The following ZNF90 variants were observed in gnomAD, a reference collection of about 807,000 sequenced individuals.
The protein encoded by ZNF90 is zinc finger protein HTF9.
ZNF90 carries 11 observed loss-of-function variants against 12.0 expected under a neutral mutation model. That is an observed-to-expected ratio of 0.92 (90% CI 0.58 to 1.52). The LOEUF is 1.52. Ranked by LOEUF, ZNF90 falls within the 40% of genes most tolerant of loss-of-function variation. ZNF90 has a pLI of 0.00. For synonymous variants in ZNF90, 232 were observed against 240.1 expected, an observed-to-expected ratio of 0.97 and a Z score of 0.31; for missense variants, 765 against 711.5, an observed-to-expected ratio of 1.08 and a Z score of -0.86.
intron 1 of ZNF90, among the ~76,000 whole-genome samples, chr19:20,098,117 TC>T (rs1351386409): frequency 1.3e-5 from 2 of 152,228 alleles, no homozygotes; most frequent in African/African-American, 4.8e-5. Context: ...TTTGTTTTTT[TC>T]ATGTAGACTT....
At chr19:20,106,052 T>TC (rs782089197) in intron 3 of ZNF90, among the ~76,000 whole-genome samples, 17 of 143,732 alleles carry the variant, frequency 1.2e-4, no homozygotes, top group East Asian at 3.9e-4. Flanking sequence ...TTCTTTTTTT[T>TC]TTTTTTTTTT....
chr19:20,090,855 C>A (rs2088896803), intron 1 of ZNF90, among the ~76,000 whole-genome samples: 1 of 152,144 alleles, frequency 6.6e-6, no homozygotes, highest in Non-Finnish European at 1.5e-5. Flanking sequence ...ACTGTCCAAT[C>A]TTTTTTAAGT....
intron 1 of ZNF90, among the ~76,000 whole-genome samples, chr19:20,084,276 C>T (rs972176372): frequency 2.0e-5 from 3 of 151,964 alleles, no homozygotes; most frequent in African/African-American, 7.2e-5. Flanking sequence ...AGGCTGGTCT[C>T]GAACTCCTGA....
chr19:20,087,293 C>G (rs2088866754), intron 1 of ZNF90: 1 of 152,186 alleles, frequency 6.6e-6, no homozygotes, highest in Non-Finnish European at 1.5e-5. Flanking sequence ...TCAAAATAAT[C>G]TTGCTCAGAT....
chr19:20,084,423 C>A (rs1177912964), intron 1 of ZNF90, among the ~76,000 whole-genome samples: 1 of 152,126 alleles, frequency 6.6e-6, no homozygotes, highest in African/African-American at 2.4e-5. Context: ...CATGTCTTTG[C>A]TATTGTGAAT....
At position 20,119,457 on chromosome 19, in the gene ZNF90, C is replaced by T; in HGVS notation, c.*97C>T. 1.0e-6 allele frequency: 1 copy of T among 976,864 alleles called. No individual in the cohort carries two copies. The highest frequency in any genetic ancestry group is 1.5e-6 in the Non-Finnish European group (1 of 669,204). The allele number at this position is 976,864 out of a possible 1,614,324, so 60.5% of individuals were successfully genotyped here. A position where few individuals can be genotyped will look rare whatever the true frequency, so the allele number is the denominator to read the frequency against. On this transcript the variant is annotated 3_prime_UTR_variant, in exon 4 of 4. Transcript: ENST00000418063. Reference sequence around the variant, plus strand: ...TGGAAAGCCTTTGACCACCCCTCTACTCTTACTAAATATGAGAATTTATAT... The same window carrying T: ...TGGAAAGCCTTTGACCACCCCTCTATTCTTACTAAATATGAGAATTTATAT...
intron 1 of ZNF90, 101 bp downstream of exon 1, chr19:20,078,236 C>A: frequency 6.8e-7 from 1 of 1,475,132 alleles, no homozygotes; most frequent in Non-Finnish European, 9.4e-7. Flanking sequence ...GTCAGCTCCA[C>A]AATCTGCGAC....
At chr19:20,080,402 G>T in intron 1 of ZNF90, 1 of 406,178 alleles carries the variant, frequency 2.5e-6, no homozygotes, top group Non-Finnish European at 4.8e-6. Flanking sequence ...CCCACAAACG[G>T]ACTGTGTGGA....
In ZNF90 at chr19:20,105,283, G is replaced by C; in HGVS notation, c.193G>C (p.Val65Leu). ...GGAGCAAGGAAAAAAACCCTTCACT[G>C]TGAAGAGACATGAGATGATTGCCAA... ...CLEQGKKPFT[V>L]KRHEMIAKSP... Residue 65 changes from valine to leucine, a missense_variant, in exon 3 of 4, where the codon GTG becomes CTG. Coordinates refer to ENST00000418063, the MANE Select transcript of ZNF90 (RefSeq NM_007138.2). 6.2e-7 allele frequency: 1 copy of C among 1,607,782 alleles called. No individual in the cohort carries two copies. Among genetic ancestry groups the C allele is most frequent in the Non-Finnish European group, 8.5e-7 (1 of 1,176,504 alleles).
At chr19:20,078,508 C>T (rs953455090) in intron 1 of ZNF90, among the ~76,000 whole-genome samples, 4 of 151,974 alleles carry the variant, frequency 2.6e-5, no homozygotes. Context: ...TCTCTTTTCT[C>T]CTATTAAAAA....
At chr19:20,114,568 T>A (rs1599654438) in intron 3 of ZNF90, among the ~76,000 whole-genome samples, 1 of 152,318 alleles carries the variant, frequency 6.6e-6, no homozygotes, top group South Asian at 2.1e-4. Context: ...TGTTGTATCA[T>A]TTCTATATAT....
At chr19:20,094,779 C>T (rs2088929696) in intron 1 of ZNF90, among the ~76,000 whole-genome samples, 1 of 152,116 alleles carries the variant, frequency 6.6e-6, no homozygotes, top group Admixed American at 6.5e-5. Context: ...CATTGGAATT[C>T]CTGTGTATAT....
chr19:20,100,978 C>T (rs1351846567), intron 1 of ZNF90, among the ~76,000 whole-genome samples: 1 of 152,100 alleles, frequency 6.6e-6, no homozygotes, highest in African/African-American at 2.4e-5. Flanking sequence ...TTTGGATCCC[C>T]TCCCATTGTA....
Position 20,117,856 on chromosome 19 carries a change from C to T in ZNF90, c.302C>T (p.Thr101Ile), listed in dbSNP as rs2089153732. The T allele has an allele frequency of 6.2e-7, 1 of 1,606,598 alleles. No homozygotes were observed. Among genetic ancestry groups the T allele is most frequent in the East Asian group, 2.2e-5 (1 of 44,768 alleles). Residue 101 changes from threonine to isoleucine, a missense_variant, in exon 4 of 4, where the codon ACA (threonine) becomes ATA (isoleucine). Coordinates refer to ENST00000418063, the MANE Select transcript of ZNF90 (RefSeq NM_007138.2). ...LKDSFQKVIV[T>I]RYEKREYGNL... Reference sequence around the variant, plus strand: ...GATTCCTTCCAAAAAGTGATAGTGACAAGATATGAAAAACGTGAATATGGC... The same window carrying T: ...GATTCCTTCCAAAAAGTGATAGTGATAAGATATGAAAAACGTGAATATGGC...
At chr19:20,106,701 C>T (rs1320977244) in intron 3 of ZNF90, among the ~76,000 whole-genome samples, 1 of 152,226 alleles carries the variant, frequency 6.6e-6, no homozygotes, top group Non-Finnish European at 1.5e-5. Flanking sequence ...GATCCACCCG[C>T]CTTGGCCTCC....
rs1568295917 is a variant in ZNF90 at position 20,120,633 on chromosome 19, CA to C, written c.*1274del. Among the ~76,000 whole-genome samples, 1 of 151,880 alleles carries C rather than the reference CA, an allele frequency of 6.6e-6. No homozygotes were observed. ...TTCAAAATGAATTCCATGTAAATAT[CA>C]GAGAATTTACAGTAGAATAAGGCAC... On this transcript the variant is annotated 3_prime_UTR_variant, in exon 4 of 4. Transcript: ENST00000418063.
intron 1 of ZNF90, among the ~76,000 whole-genome samples, chr19:20,092,059 G>A (rs1476593546): frequency 6.6e-6 from 1 of 152,114 alleles, no homozygotes; most frequent in Non-Finnish European, 1.5e-5. Flanking sequence ...TGAATGTCAG[G>A]TGGATCAGAG....
At position 20,097,273 on chromosome 19, in the gene ZNF90, A is replaced by G. The variant is rs114650467; in HGVS notation, c.4-6966A>G. Among the ~76,000 whole-genome samples the G allele has an allele frequency of 5.2e-3, 786 of 152,354 alleles. 7 individuals are homozygous for G. The highest frequency in any genetic ancestry group is 0.018 in the African/African-American group (754 of 41,580). On this transcript the variant is annotated intron_variant, in intron 1 of 3. Coordinates refer to ENST00000418063, the MANE Select transcript of ZNF90 (RefSeq NM_007138.2). ...GAATTACCAGACATGATATAAACAC[A>G]TAAGGTGCCAATGAGAATTTACTCT...
chr19:20,081,750 T>C (rs1434138319), intron 1 of ZNF90, among the ~76,000 whole-genome samples: 3 of 152,040 alleles, frequency 2.0e-5, no homozygotes, highest in East Asian at 1.9e-4. Context: ...GATTTGTTTT[T>C]TTTCTTTCTT....
Sources: allele counts gnomAD v4.1 joint callset (sites outside exome capture counted in the v4.1 genomes callset), GRCh38; gene constraint gnomAD v4.1.1; transcripts MANE v1.5; gene names NCBI Gene and HGNC (gene_info 2026-07-23, HGNC 2026-07-21).